Variants in NME7 observed in about 807,000 individuals in gnomAD.
NME7 encodes NME/NM23 family member 7.
A neutral mutation model predicts 49.1 loss-of-function variants in NME7; 41 were observed. The observed-to-expected ratio is 0.83, with a 90% confidence interval of 0.65 to 1.08. NME7 has a LOEUF of 1.08. NME7 is among the 50% of genes least tolerant of loss of function. The pLI is 0.00. For missense variants in NME7, 423 were observed against 463.4 expected, an observed-to-expected ratio of 0.91 and a Z score of 0.80; for synonymous variants, 139 against 150.6, an observed-to-expected ratio of 0.92 and a Z score of 0.56.
intron 7 of NME7, among the ~76,000 whole-genome samples, chr1:169,247,884 G>A (rs1648390323): frequency 2.0e-5 from 3 of 152,110 alleles, no homozygotes; most frequent in South Asian, 2.1e-4. Context: ...CCACTCATTC[G>A]TTAATGGACA....
intron 3 of NME7, among the ~76,000 whole-genome samples, chr1:169,316,265 G>A (rs769913623): frequency 6.6e-6 from 1 of 152,088 alleles, no homozygotes. Flanking sequence ...ACAAAACTAT[G>A]TAAGATTTAA....
chr1:169,162,256 T>C (rs1571254756), intron 11 of NME7, among the ~76,000 whole-genome samples: 1 of 152,308 alleles, frequency 6.6e-6, no homozygotes, highest in Middle Eastern at 3.4e-3. Context: ...AATACCACAG[T>C]CTTGGTGAAC....
At chr1:169,317,285 A>C (rs992241008) in intron 3 of NME7, among the ~76,000 whole-genome samples, 6 of 152,230 alleles carry the variant, frequency 3.9e-5, no homozygotes, top group Non-Finnish European at 8.8e-5. Flanking sequence ...ATTCAACTCT[A>C]ATCTGTTAAC....
At chr1:169,279,728 A>T (rs1335867592) in intron 7 of NME7, among the ~76,000 whole-genome samples, 1 of 152,188 alleles carries the variant, frequency 6.6e-6, no homozygotes, top group African/African-American at 2.4e-5. Context: ...CTCCCTAGTG[A>T]GATGAACCCG....
chr1:169,182,525 T>G (rs1178333959), intron 10 of NME7, among the ~76,000 whole-genome samples: 1 of 152,148 alleles, frequency 6.6e-6, no homozygotes, highest in African/African-American at 2.4e-5. Flanking sequence ...CAGATTCTAT[T>G]TCTTTAGCAT....
At chr1:169,336,288 A>T (rs1423314698) in intron 1 of NME7, among the ~76,000 whole-genome samples, 6 of 151,742 alleles carry the variant, frequency 4.0e-5, no homozygotes, top group Non-Finnish European at 8.8e-5. Flanking sequence ...CAGTAGCAAG[A>T]TTTATTGCAA....
chr1:169,252,040 T>C (rs1483870701), intron 7 of NME7, among the ~76,000 whole-genome samples: 7 of 149,586 alleles, frequency 4.7e-5, no homozygotes, highest in Admixed American at 4.0e-4. Context: ...TGTGTCTTTA[T>C]AGCAGCATGA....
intron 9 of NME7, among the ~76,000 whole-genome samples, chr1:169,231,517 G>A (rs1009211951): frequency 6.6e-6 from 1 of 152,120 alleles, no homozygotes; most frequent in Non-Finnish European, 1.5e-5. Flanking sequence ...GAGAGATGAG[G>A]GGAGTATGCA....
chr1:169,310,532 T>A (rs1056582423), intron 3 of NME7: 2 of 153,570 alleles, frequency 1.3e-5, no homozygotes, highest in African/African-American at 4.8e-5. Flanking sequence ...AATTCTTCTA[T>A]TGACTCTTTA....
Position 169,303,447 on chromosome 1 carries a change from ATCT to A in NME7, c.390-255_390-253del, listed in dbSNP as rs1201941204. On this transcript the variant is annotated intron_variant, in intron 4 of 11. Coordinates refer to ENST00000367811, the MANE Select transcript of NME7 (RefSeq NM_013330.5). ...TTTCTACTTATGTTATATATTGTCT[ATCT>A]TCTTCTTTTTTTTTTTTTTTTTTTT... The A allele has an allele frequency of 2.1e-4, 37 of 174,586 alleles. 1 individual carries two copies. The South Asian group carries it at 2.7e-3, about 13-fold the overall frequency. The allele number at this position is 174,586 out of a possible 1,614,324, so 10.8% of individuals were successfully genotyped here.
chr1:169,336,256 C>A (rs965771921), intron 1 of NME7, among the ~76,000 whole-genome samples: 22 of 152,110 alleles, frequency 1.4e-4, no homozygotes, highest in African/African-American at 5.1e-4. Flanking sequence ...CTCATAAAAG[C>A]AGCATGGACC....
At chr1:169,172,476 GA>G (rs747832605) in intron 10 of NME7, among the ~76,000 whole-genome samples, 10 of 152,120 alleles carry the variant, frequency 6.6e-5, no homozygotes, top group Admixed American at 1.3e-4. Flanking sequence ...GCAAGGGGAT[GA>G]TGGGCACATA....
At position 169,364,150 on chromosome 1, in the gene NME7, G is replaced by A. The variant is rs115182125; in HGVS notation, c.3+3558C>T. Among the ~76,000 whole-genome samples, 603 of 152,068 alleles carry A rather than the reference G, an allele frequency of 4.0e-3. 8 individuals are homozygous for A. The highest frequency in any genetic ancestry group is 0.017 in the Middle Eastern group (5 of 294). ...TTCTTTCTTATTTTGTATTCATTCC[G>A]CAAACATTTGAGTGCCTAATATGAT... On this transcript the variant is annotated intron_variant, in intron 1 of 11. Transcript: ENST00000367811.
At chr1:169,231,322 C>A (rs1311865766) in intron 9 of NME7, among the ~76,000 whole-genome samples, 3 of 151,928 alleles carry the variant, frequency 2.0e-5, no homozygotes, top group Admixed American at 1.3e-4. Flanking sequence ...GGTCTATGAC[C>A]CCTGAAAGTA....
At chr1:169,343,655 C>T (rs1652856965) in intron 1 of NME7, among the ~76,000 whole-genome samples, 1 of 152,076 alleles carries the variant, frequency 6.6e-6, no homozygotes, top group African/African-American at 2.4e-5. Context: ...CCATGCCTGG[C>T]TAATTTTTTT....
In NME7 at chr1:169,290,770, G is replaced by A. The variant is rs894230738; in HGVS notation, c.649-3362C>T. 4.6e-5 allele frequency among the ~76,000 whole-genome samples: 7 copies of A among 152,090 alleles called. No homozygotes were observed. In the East Asian group the frequency reaches 1.3e-3, roughly 29 times the overall value. On this transcript the variant is annotated intron_variant, in intron 6 of 11. Coordinates refer to ENST00000367811, the MANE Select transcript of NME7 (RefSeq NM_013330.5). ...GAAAATTTTTGCAATCTGTTCATCT[G>A]ACAAAGGGCTACTGTCCAGAATCTA...
intron 1 of NME7, among the ~76,000 whole-genome samples, chr1:169,329,574 T>A (rs1483705219): frequency 1.3e-5 from 2 of 151,300 alleles, no homozygotes; most frequent in Admixed American, 1.3e-4. Context: ...GGCATCAGAG[T>A]CCTTTAATGG....
At chr1:169,212,339 T>TA (rs929962632) in intron 10 of NME7, among the ~76,000 whole-genome samples, 3 of 152,128 alleles carry the variant, frequency 2.0e-5, no homozygotes, top group Admixed American at 2.0e-4. Flanking sequence ...AATTCATTGT[T>TA]AAAAAACATA....
chr1:169,334,064 T>C (rs1261076530), intron 1 of NME7, among the ~76,000 whole-genome samples: 1 of 152,222 alleles, frequency 6.6e-6, no homozygotes, highest in East Asian at 1.9e-4. Context: ...CTTTAAATCA[T>C]ACTAAATGGA....
Sources: allele counts gnomAD v4.1 joint callset (sites outside exome capture counted in the v4.1 genomes callset), GRCh38; gene constraint gnomAD v4.1.1; transcripts MANE v1.5; gene names NCBI Gene and HGNC (gene_info 2026-07-23, HGNC 2026-07-21).